ARID1B: variants seen among roughly 807,000 people sequenced by gnomAD.
ARID1B encodes AT-rich interaction domain 1B, also known as AT-rich interactive domain-containing protein 1B.
ARID1B carries 30 observed loss-of-function variants against 212.3 expected under a neutral mutation model. The observed-to-expected ratio is 0.14, with a 90% CI of 0.11 to 0.19. The LOEUF (loss-of-function observed/expected upper bound fraction) is 0.19. Ranked by LOEUF, ARID1B falls within the 10% of genes least tolerant of loss-of-function variation. The pLI, the probability that ARID1B is intolerant of heterozygous loss-of-function variation, is 1.00. For missense variants in ARID1B, 2,891 were observed against 3,204.0 expected (o/e 0.90, Z 2.36); for synonymous variants, 1,402 against 1,301.7 (o/e 1.08, Z -1.66).
intron 8 of ARID1B, among the ~76,000 whole-genome samples, chr6:157,162,778 G>C (rs925605938): frequency 1.3e-5 from 2 of 152,160 alleles, no homozygotes; most frequent in Non-Finnish European, 2.9e-5. Flanking sequence ...CGGCATCCTG[G>C]GGTCTGGGGT....
chr6:156,950,303 C>T (rs1793484850), intron 4 of ARID1B, among the ~76,000 whole-genome samples: 1 of 152,218 alleles, frequency 6.6e-6, no homozygotes, highest in African/African-American at 2.4e-5. Flanking sequence ...TTGGTACAAA[C>T]ACCATATAAC....
At chr6:157,188,651 C>G (rs2128336885) in intron 13 of ARID1B, among the ~76,000 whole-genome samples, 1 of 152,300 alleles carries the variant, frequency 6.6e-6, no homozygotes, top group African/African-American at 2.4e-5. Context: ...TCAGAAACTC[C>G]ATGAGGGCAG....
intron 9 of ARID1B, 108 bp from the exon 10 acceptor site, chr6:157,173,900 A>G: frequency 2.3e-6 from 2 of 883,218 alleles, no homozygotes; most frequent in South Asian, 3.6e-5. Context: ...TTCTTCCTTC[A>G]AGGGAAATGC....
chr6:157,157,658 A>T (rs1024063076), intron 8 of ARID1B, among the ~76,000 whole-genome samples: 1 of 152,214 alleles, frequency 6.6e-6, no homozygotes, highest in Non-Finnish European at 1.5e-5. Context: ...ACTCACTAAG[A>T]TGCTAAGATT....
At chr6:157,143,774 G>C (rs550088509) in intron 7 of ARID1B, among the ~76,000 whole-genome samples, 2 of 152,194 alleles carry the variant, frequency 1.3e-5, no homozygotes, top group Non-Finnish European at 2.9e-5. Context: ...GTCCAGGCAC[G>C]TGAGTCTAAT....
chr6:156,987,354 G>A (rs1489794379), intron 4 of ARID1B, among the ~76,000 whole-genome samples: 6 of 147,722 alleles, frequency 4.1e-5, no homozygotes, highest in South Asian at 4.3e-4. Context: ...TTTTTGAGAC[G>A]GAGTGTTGCT....
At chr6:157,101,927 T>G (rs1160068839) in intron 5 of ARID1B, among the ~76,000 whole-genome samples, 1 of 152,238 alleles carries the variant, frequency 6.6e-6, no homozygotes, top group East Asian at 1.9e-4. Context: ...GTTAGTTGGC[T>G]TTTTAGCTGT....
At chr6:157,185,802 C>T (rs776564390) in intron 13 of ARID1B, 2 of 152,226 alleles carry the variant, frequency 1.3e-5, no homozygotes, top group Non-Finnish European at 1.5e-5. Context: ...CACATAAATA[C>T]GTTTTAGGCC....
chr6:157,023,727 C>T (rs966760286), intron 4 of ARID1B: 2 of 152,186 alleles, frequency 1.3e-5, no homozygotes, highest in South Asian at 4.1e-4. Flanking sequence ...ATGACTTCTG[C>T]CCCTCCAACA....
At chr6:157,058,877 A>G (rs1783148697) in intron 4 of ARID1B, among the ~76,000 whole-genome samples, 1 of 152,200 alleles carries the variant, frequency 6.6e-6, no homozygotes, top group Admixed American at 6.5e-5. Context: ...GTGATCAGGC[A>G]TTGAAGGAGA....
intron 8 of ARID1B, among the ~76,000 whole-genome samples, chr6:157,165,529 A>G (rs1791265740): frequency 1.3e-5 from 2 of 151,972 alleles, no homozygotes; most frequent in African/African-American, 4.8e-5. Flanking sequence ...CGCTGAAAAT[A>G]GGTAAACAAA....
chr6:156,884,641 T>G (rs756917867), intron 2 of ARID1B, among the ~76,000 whole-genome samples: 1 of 152,202 alleles, frequency 6.6e-6, no homozygotes, highest in African/African-American at 2.4e-5. Context: ...CATAGTCCGC[T>G]AAGGAGGTGG....
intron 2 of ARID1B, among the ~76,000 whole-genome samples, chr6:156,869,542 G>A (rs1785955378): frequency 6.6e-6 from 1 of 152,158 alleles, no homozygotes; most frequent in South Asian, 2.1e-4. Context: ...CCTGAAAATA[G>A]GGTTTTCAGG....
intron 2 of ARID1B, among the ~76,000 whole-genome samples, chr6:156,849,627 A>T (rs1010444559): frequency 2.0e-5 from 3 of 152,216 alleles, no homozygotes; most frequent in African/African-American, 7.2e-5. Flanking sequence ...GAGAGCAGAC[A>T]ATCACATTCA....
At chr6:157,008,878 C>T (rs889936121) in intron 4 of ARID1B, among the ~76,000 whole-genome samples, 52 of 152,228 alleles carry the variant, frequency 3.4e-4, no homozygotes, top group African/African-American at 8.4e-4. Context: ...TTCAGTTTGA[C>T]GCTAGCACAC....
intron 4 of ARID1B, among the ~76,000 whole-genome samples, chr6:157,015,028 T>G (rs1234260216): frequency 1.3e-5 from 2 of 152,214 alleles, no homozygotes; most frequent in East Asian, 3.8e-4. Context: ...GGCATCAGAC[T>G]GGGAAAGACG....
chr6:157,160,844 A>G (rs887474978), intron 8 of ARID1B, among the ~76,000 whole-genome samples: 1 of 152,190 alleles, frequency 6.6e-6, no homozygotes, highest in Non-Finnish European at 1.5e-5. Flanking sequence ...TTGATCCCTC[A>G]GATCTGAGAG....
intron 3 of ARID1B, among the ~76,000 whole-genome samples, chr6:156,931,719 T>C (rs1287817689): frequency 6.6e-6 from 1 of 152,060 alleles, no homozygotes; most frequent in East Asian, 1.9e-4. Flanking sequence ...TCCCATCACT[T>C]TGAGAGGCCG....
At chr6:157,089,174 T>C (rs1785129230) in intron 5 of ARID1B, among the ~76,000 whole-genome samples, 1 of 152,232 alleles carries the variant, frequency 6.6e-6, no homozygotes, top group Non-Finnish European at 1.5e-5. Flanking sequence ...TTCTTCCTGA[T>C]GTTGCTTTCC....
Sources: allele counts gnomAD v4.1 joint callset (sites outside exome capture counted in the v4.1 genomes callset), GRCh38; gene constraint gnomAD v4.1.1; transcripts MANE v1.5; gene names NCBI Gene and HGNC (gene_info 2026-07-23, HGNC 2026-07-21).